The following SYNE1 variants were observed in gnomAD, a reference collection of about 807,000 sequenced individuals.
The protein encoded by SYNE1 is nesprin-1.
In SYNE1, 616 loss-of-function variants were observed where a neutral mutation model predicts 1,111.0. That is an observed-to-expected ratio of 0.55 (90% CI 0.52 to 0.59). The LOEUF (loss-of-function observed/expected upper bound fraction) is 0.59. Among genes scored for constraint, SYNE1 ranks in the 20% least tolerant of loss-of-function variants. The pLI is 0.00. For synonymous variants in SYNE1, 3,855 were observed against 3,825.8 expected (o/e 1.01, Z -0.28); for missense variants, 10,006 against 10,417.0 (o/e 0.96, Z 1.72).
At chr6:152,531,706 A>G (rs1377144899) in intron 4 of SYNE1, among the ~76,000 whole-genome samples, 1 of 152,074 alleles carries the variant, frequency 6.6e-6, no homozygotes, top group African/African-American at 2.4e-5. Flanking sequence ...CTTTTGAATG[A>G]TTTTGACTAC....
rs140612126 is a variant in SYNE1, at chr6:152,612,732, G to A, written c.67+15533C>T. Among the ~76,000 whole-genome samples, 1,361 of 152,196 alleles carry A rather than the reference G, an allele frequency of 8.9e-3. 12 individuals carry two copies. Among genetic ancestry groups the A allele is most frequent in the South Asian group, 0.041 (197 of 4,812 alleles). On this transcript the variant is annotated intron_variant, in intron 3 of 145. Coordinates refer to ENST00000367255, the MANE Select transcript of SYNE1 (RefSeq NM_182961.4). ...TAGACCAATATCCATGATGAAAATCGATGTGAAAATCCTCAGTAAAATACT... is the reference window on the plus strand; with the variant it reads ...TAGACCAATATCCATGATGAAAATCAATGTGAAAATCCTCAGTAAAATACT...
At chr6:152,171,195 T>C (rs2065120604) in intron 130 of SYNE1, among the ~76,000 whole-genome samples, 1 of 152,246 alleles carries the variant, frequency 6.6e-6, no homozygotes, top group Non-Finnish European at 1.5e-5. Flanking sequence ...AGCTAGCTAC[T>C]ATTATGATTC....
Position 152,345,737 on chromosome 6 carries a change from T to C in SYNE1, c.12078+1322A>G, listed in dbSNP as rs189154555. 4.6e-5 allele frequency among the ~76,000 whole-genome samples: 7 copies of C among 152,312 alleles called. No individual in the cohort carries two copies. In the East Asian group the frequency reaches 1.3e-3, roughly 29 times the overall value. ...ACAGAATACTAAGTTTAAAGGCTTA[T>C]AAAAACTCTTTTTAGTGTCATTTAA... On this transcript the variant is annotated intron_variant, in intron 73 of 145. Coordinates refer to ENST00000367255, the MANE Select transcript of SYNE1 (RefSeq NM_182961.4).
Position 152,221,590 on chromosome 6 carries a change from T to A in SYNE1, c.21523-31A>T, listed in dbSNP as rs372580320. ...CCAAAAAAAAGACCCATAGATGACA[T>A]AACAGGATCTAAATTCTAATAAGCA... On this transcript the variant is annotated intron_variant, in intron 117 of 145. Coordinates refer to ENST00000367255, the MANE Select transcript of SYNE1 (RefSeq NM_182961.4). 2.5e-6 allele frequency: 4 copies of A among 1,613,062 alleles called. No individual in the cohort carries two copies. In the South Asian group the frequency reaches 3.3e-5, roughly 13 times the overall value.
chr6:152,198,984 T>TA (rs61232469), intron 127 of SYNE1, among the ~76,000 whole-genome samples: 29,803 of 135,108 alleles, frequency 0.22, 3,544 homozygotes, highest in African/African-American at 0.31. Context: ...CTTCAATTTG[T>TA]AAAAAAAAAA....
chr6:152,400,580 T>A (rs1006790642), intron 47 of SYNE1, among the ~76,000 whole-genome samples: 1 of 152,086 alleles, frequency 6.6e-6, no homozygotes, highest in Non-Finnish European at 1.5e-5. Flanking sequence ...GAAGAATCAC[T>A]TCAACCTGGG....
chr6:152,143,133 TC>T (rs1262928542), intron 138 of SYNE1, among the ~76,000 whole-genome samples: 6 of 152,064 alleles, frequency 3.9e-5, no homozygotes, highest in Admixed American at 6.5e-5. Context: ...TTTCCCCAAA[TC>T]CCTCTTGCTA....
chr6:152,428,250 T>C lies in SYNE1; in HGVS notation c.4931A>G (p.Lys1644Arg), dbSNP rs984105795. 58 of 1,614,016 alleles carry C rather than the reference T, an allele frequency of 3.6e-5. No homozygotes were observed. The highest frequency in any genetic ancestry group is 4.7e-5 in the Non-Finnish European group (56 of 1,180,022). ...QQYEDILRRA[K>R]ERQTALENLL... The stretch of plus-strand genomic sequence containing the variant: ...ATTCTCCAGCGCCGTCTGTCTCTCC[T>C]TCGCCCTCCTTAGGATGTCCTCGTA... The change falls in exon 37 of 146, where the codon AAG becomes AGG. Residue 1644 changes from lysine (K) to arginine (R), a missense_variant. By Grantham distance (26) the Lys-to-Arg change is conservative. Transcript: ENST00000367255.
intron 90 of SYNE1, among the ~76,000 whole-genome samples, chr6:152,308,912 A>G (rs1401630203): frequency 6.6e-6 from 1 of 152,234 alleles, no homozygotes; most frequent in Admixed American, 6.5e-5. Flanking sequence ...AAGATGGAAC[A>G]TGACGGTCAG....
chr6:152,444,601 A>C (rs745679765), intron 29 of SYNE1, 23 bp from the exon 30 acceptor site: 3 of 1,599,694 alleles, frequency 1.9e-6, no homozygotes, highest in Admixed American at 3.4e-5. Context: ...GAAAAAAAAA[A>C]ACACGTAAAT....
Position 152,404,222 on chromosome 6 carries a change from T to G in SYNE1, c.6816A>C (p.Pro2272=). 1 of 1,612,732 alleles carries G rather than the reference T, an allele frequency of 6.2e-7. No individual in the cohort carries two copies. Among genetic ancestry groups the G allele is most frequent in the Admixed American group, 1.7e-5 (1 of 59,980 alleles). ...ATTACAAAATGCTTACCTGAAGGTC[T>G]GGCGGTGTTTCTAGATTTTTAGTTA... is the stretch of plus-strand genomic sequence containing the variant. ...KELTKNLETP[P]DLQFIEADLM... Residue 2272 remains proline, a synonymous_variant, in exon 46 of 146, where the codon CCA becomes CCC. Coordinates refer to ENST00000367255, the MANE Select transcript of SYNE1 (RefSeq NM_182961.4).
Position 152,455,976 on chromosome 6 carries a change from A to G in SYNE1, c.2637T>C (p.Val879=), listed in dbSNP as rs749085824. The G allele has an allele frequency of 1.9e-6, 3 of 1,614,122 alleles. No homozygotes were observed. The South Asian group carries it at 3.3e-5, about 18-fold the overall frequency. ...CGTTGCTCAAGGTCACAAACTTTTG[A>G]ACACTTTGACTGCCTTTCTCAATAA... ...LTLIEKGSQS[V]QKFVTLSNVL... The change falls in exon 23 of 146, where the codon GTT becomes GTC. Residue 879 remains valine (V), a synonymous_variant. Transcript: ENST00000367255.
chr6:152,387,170 A>G lies in SYNE1; in HGVS notation c.8389T>C (p.Ser2797Pro). The change falls in exon 54 of 146, where the codon TCC becomes CCC. Residue 2797 changes from serine (S) to proline (P), a missense_variant. This residue lies in a region of SYNE1 where 4,955 missense variants were observed against 5,017.2 expected (regional missense o/e 0.99). Transcript: ENST00000367255. ...TCTGTCTTTTCGTAGAGCTCCCTGGACTTCGCAATTAGACGGTGAAGGGCT... is the reference window on the plus strand; with the variant it reads ...TCTGTCTTTTCGTAGAGCTCCCTGGGCTTCGCAATTAGACGGTGAAGGGCT... Reference protein sequence around the residue: ...TRALHRLIAKSRELYEKTEDE... With the variant: ...TRALHRLIAKPRELYEKTEDE... The G allele has an allele frequency of 1.2e-6, 2 of 1,614,170 alleles. No individual in the cohort carries two copies. Among genetic ancestry groups the G allele is most frequent in the Non-Finnish European group, 1.7e-6 (2 of 1,180,028 alleles).
chr6:152,262,947 C>G (rs1168491991), intron 100 of SYNE1, among the ~76,000 whole-genome samples: 1 of 149,522 alleles, frequency 6.7e-6, no homozygotes, highest in Non-Finnish European at 1.5e-5. Flanking sequence ...GGAGATAGTA[C>G]AGGGCCTGGG....
At chr6:152,532,432 C>A (rs1191070927) in intron 4 of SYNE1, among the ~76,000 whole-genome samples, 2 of 152,152 alleles carry the variant, frequency 1.3e-5, no homozygotes, top group African/African-American at 4.8e-5. Context: ...CTACTAAACA[C>A]ATATCCTATG....
chr6:152,300,771 C>T lies in SYNE1; in HGVS notation c.17552G>A (p.Gly5851Asp). The T allele has an allele frequency of 6.2e-7, 1 of 1,614,178 alleles. No homozygotes were observed. The highest frequency in any genetic ancestry group is 8.5e-7 in the Non-Finnish European group (1 of 1,180,026). The change falls in exon 93 of 146, where the codon GGT (glycine) becomes GAT (aspartate). Residue 5851 changes from glycine (G) to aspartate (D), a missense_variant. Gly to Asp is a moderately conservative substitution (Grantham distance 94, BLOSUM62 -1). Around this residue, in one of 7 missense-constraint regions of SYNE1, gnomAD observed 4,955 missense variants for 5,017.2 expected, o/e 0.99. Transcript: ENST00000367255. ...AHPSVVMMTA[G>D]RCHTLLSPVT... The stretch of plus-strand genomic sequence containing the variant: ...CGGTGACAGCAAAGTGTGACAGCGA[C>T]CTGCAGTCATCTGCCACGTAAAATG...
chr6:152,376,062 G>A (rs1449704525), intron 58 of SYNE1: 1 of 263,696 alleles, frequency 3.8e-6, no homozygotes, highest in Admixed American at 5.0e-5. Context: ...ATGGTTTCGG[G>A]ATGAAACTGT....
chr6:152,419,705 G>A lies in SYNE1; in HGVS notation c.5285C>T (p.Ser1762Phe). The change falls in exon 40 of 146, where the codon TCT (serine) becomes TTT (phenylalanine). Residue 1762 changes from serine (S) to phenylalanine (F), a missense_variant. Physicochemically the swap from Ser to Phe is radical, Grantham distance 155 (BLOSUM62 -2). Transcript: ENST00000367255. Reference sequence around the variant, plus strand: ...AAATTGCTGGTGTTCAGCAACCACAGACTGAAGAAAATTAATCCTATGTAG... The same window carrying A: ...AAATTGCTGGTGTTCAGCAACCACAAACTGAAGAAAATTAATCCTATGTAG... The part of the protein sequence containing the change: ...IINKRINFLQ[S>F]VVAEHQQFDE... 1 of 1,614,022 alleles carries A rather than the reference G, an allele frequency of 6.2e-7. No homozygotes were observed. Among genetic ancestry groups the A allele is most frequent in the Non-Finnish European group, 8.5e-7 (1 of 1,179,958 alleles).
At chr6:152,199,696 C>A (rs1168473573) in intron 127 of SYNE1, among the ~76,000 whole-genome samples, 1 of 152,084 alleles carries the variant, frequency 6.6e-6, no homozygotes, top group African/African-American at 2.4e-5. Flanking sequence ...TGTCTTTACA[C>A]GGTAGAAAGG....
Sources: gnomAD v4.1 joint callset for allele counts (sites outside exome capture counted in the v4.1 genomes callset) on GRCh38, gnomAD v4.1.1 for gene constraint, gnomAD v4.1.1 regional missense constraint, MANE v1.5 for transcripts, NCBI Gene and HGNC (gene_info 2026-07-23, HGNC 2026-07-21) for gene names.